FAM171A1: variants seen among roughly 807,000 people sequenced by gnomAD.
FAM171A1 encodes the protein family with sequence similarity 171 member A1, also known as protein FAM171A1.
FAM171A1 carries 23 observed loss-of-function variants against 74.9 expected under a neutral mutation model. The ratio of observed to expected loss-of-function variants is 0.31; its 90% CI spans 0.22 to 0.44. The LOEUF (loss-of-function observed/expected upper bound fraction) is 0.44. FAM171A1 is among the 20% of genes least tolerant of loss of function. FAM171A1 has a pLI of 1.00. For missense variants in FAM171A1, 1,162 were observed against 1,159.2 expected (o/e 1.00, Z -0.03); for synonymous variants, 527 against 505.7 (o/e 1.04, Z -0.57).
intron 1 of FAM171A1, among the ~76,000 whole-genome samples, chr10:15,316,640 A>G (rs1835425782): frequency 6.6e-6 from 1 of 152,222 alleles, no homozygotes; most frequent in Non-Finnish European, 1.5e-5. Context: ...GGAATCCCAG[A>G]AAGCAGCTGT....
rs188283464 is a variant in FAM171A1, at chr10:15,310,942, G to A, written c.98-26837C>T. Among the ~76,000 whole-genome samples the A allele has an allele frequency of 2.6e-3, 394 of 152,224 alleles. 1 individual carries two copies. Among genetic ancestry groups the A allele is most frequent in the Non-Finnish European group, 4.2e-3 (283 of 68,016 alleles). On this transcript the variant is annotated intron_variant, in intron 1 of 7. Transcript: ENST00000378116. Reference sequence around the variant, plus strand: ...CTGTGGCAGGATGGACCCCAAGCACGTGGGTCTTGGAGCAGGGCTGGGAAG... The same window carrying A: ...CTGTGGCAGGATGGACCCCAAGCACATGGGTCTTGGAGCAGGGCTGGGAAG...
intron 4 of FAM171A1, among the ~76,000 whole-genome samples, chr10:15,250,822 A>G (rs1009425765): frequency 6.6e-6 from 1 of 152,354 alleles, no homozygotes; most frequent in South Asian, 2.1e-4. Flanking sequence ...TAGACTGTAT[A>G]AACAACTGAG....
chr10:15,295,398 G>A (rs978313432), intron 1 of FAM171A1, among the ~76,000 whole-genome samples: 8 of 152,226 alleles, frequency 5.3e-5, no homozygotes, highest in African/African-American at 1.7e-4. Context: ...TGGCACCAGA[G>A]CTGGGAGTAC....
chr10:15,363,804 G>C (rs929161728), intron 1 of FAM171A1, among the ~76,000 whole-genome samples: 8 of 152,294 alleles, frequency 5.3e-5, no homozygotes, highest in African/African-American at 1.9e-4. Flanking sequence ...AAATGAGATG[G>C]AAATTGCAGG....
rs557588081 is a variant in FAM171A1 at position 15,245,264 on chromosome 10, A to C, written c.754+3375T>G. On this transcript the variant is annotated intron_variant, in intron 5 of 7. Transcript: ENST00000378116. ...GTATTTTTAGTAAAGATGGGGTTTC[A>C]CCATATTGGCTAGGCTGGTCTCAAA... Among the ~76,000 whole-genome samples, 14 of 152,128 alleles carry C rather than the reference A, an allele frequency of 9.2e-5. No individual in the cohort carries two copies. In the South Asian group the frequency reaches 2.9e-3, roughly 32 times the overall value.
At chr10:15,342,786 A>C (rs947337701) in intron 1 of FAM171A1, among the ~76,000 whole-genome samples, 1 of 152,216 alleles carries the variant, frequency 6.6e-6, no homozygotes, top group Non-Finnish European at 1.5e-5. Flanking sequence ...GACACTCTAG[A>C]AGGCAAGTCA....
chr10:15,270,800 C>A (rs369903635), intron 3 of FAM171A1, among the ~76,000 whole-genome samples: 1 of 152,186 alleles, frequency 6.6e-6, no homozygotes, highest in Admixed American at 6.5e-5. Context: ...CTCCAACAGA[C>A]CTGCAGCTGA....
chr10:15,361,593 G>A (rs1183042537), intron 1 of FAM171A1, among the ~76,000 whole-genome samples: 1 of 152,138 alleles, frequency 6.6e-6, no homozygotes, highest in Non-Finnish European at 1.5e-5. Flanking sequence ...TGAGGCAAGA[G>A]AATCGCTTGA....
At chr10:15,313,927 T>C (rs950668371) in intron 1 of FAM171A1, among the ~76,000 whole-genome samples, 4 of 152,260 alleles carry the variant, frequency 2.6e-5, no homozygotes, top group African/African-American at 2.4e-5. Context: ...CCACACGCTC[T>C]GTACAAGGCA....
intron 3 of FAM171A1, among the ~76,000 whole-genome samples, chr10:15,267,540 T>A (rs1239304864): frequency 1.6e-5 from 2 of 123,182 alleles, no homozygotes; most frequent in Admixed American, 1.1e-4. Flanking sequence ...GAGGCAGAGG[T>A]TGCAATGAGC....
chr10:15,350,100 C>T (rs1835860637), intron 1 of FAM171A1, among the ~76,000 whole-genome samples: 1 of 152,042 alleles, frequency 6.6e-6, no homozygotes, highest in South Asian at 2.1e-4. Flanking sequence ...ACGTGATGCC[C>T]CCGTGGTATG....
chr10:15,309,000 T>G lies in FAM171A1; in HGVS notation c.98-24895A>C, dbSNP rs147581620. ...TATTTTAATCAGTATTTCCATAAAT[T>G]GTTATTTTTACAACTTAAAAAAACC... On this transcript the variant is annotated intron_variant, in intron 1 of 7. Transcript: ENST00000378116. Among the ~76,000 whole-genome samples the G allele has an allele frequency of 6.0e-3, 910 of 152,304 alleles. 4 individuals are homozygous for G. The highest frequency in any genetic ancestry group is 0.031 in the Middle Eastern group (9 of 294).
intron 1 of FAM171A1, among the ~76,000 whole-genome samples, chr10:15,361,512 G>A (rs1835994150): frequency 6.6e-6 from 1 of 152,074 alleles, no homozygotes; most frequent in South Asian, 2.1e-4. Flanking sequence ...GTAAAACCCT[G>A]TCTCTACAAA....
chr10:15,303,803 T>C (rs967737482), intron 1 of FAM171A1, among the ~76,000 whole-genome samples: 5 of 151,940 alleles, frequency 3.3e-5, no homozygotes, highest in Non-Finnish European at 5.9e-5. Flanking sequence ...GTTAGGAGAG[T>C]TGCAGGATCA....
chr10:15,298,685 T>C (rs1011094728), intron 1 of FAM171A1, among the ~76,000 whole-genome samples: 5 of 152,158 alleles, frequency 3.3e-5, no homozygotes, highest in African/African-American at 9.7e-5. Context: ...TAAGAAGCAA[T>C]GTATATCCAT....
intron 3 of FAM171A1, among the ~76,000 whole-genome samples, chr10:15,270,318 C>A (rs1009872049): frequency 1.3e-5 from 2 of 152,188 alleles, no homozygotes; most frequent in Non-Finnish European, 2.9e-5. Context: ...AAGGTGGTAG[C>A]AAGGCTGGGG....
intron 1 of FAM171A1, among the ~76,000 whole-genome samples, chr10:15,294,253 G>C (rs1835135371): frequency 6.6e-6 from 1 of 152,144 alleles, no homozygotes; most frequent in Non-Finnish European, 1.5e-5. Flanking sequence ...TGCTATCCTG[G>C]CATGATTCTA....
chr10:15,350,368 C>T lies in FAM171A1; in HGVS notation c.97+20588G>A, dbSNP rs553491781. Among the ~76,000 whole-genome samples the T allele has an allele frequency of 2.1e-4, 32 of 152,138 alleles. No individual in the cohort carries two copies. The South Asian group carries it at 6.4e-3, about 31-fold the overall frequency. ...TTACTTTTTTTTTGAGATGGAATCT[C>T]ACTGTGTTGCCCAGGCTGGAGTGCA... On this transcript the variant is annotated intron_variant, in intron 1 of 7. Coordinates refer to ENST00000378116, the MANE Select transcript of FAM171A1 (RefSeq NM_001010924.2).
chr10:15,250,583 C>A (rs966244022), intron 4 of FAM171A1, among the ~76,000 whole-genome samples: 3 of 152,124 alleles, frequency 2.0e-5, no homozygotes, highest in African/African-American at 7.2e-5. Context: ...CATAGTGAAA[C>A]CCCGTTTGCA....
Sources: gnomAD v4.1 joint callset for allele counts (sites outside exome capture counted in the v4.1 genomes callset) on GRCh38, gnomAD v4.1.1 for gene constraint, MANE v1.5 for transcripts, NCBI Gene and HGNC (gene_info 2026-07-23, HGNC 2026-07-21) for gene names.